Variants in DLGAP1 observed in about 807,000 individuals in gnomAD.
The protein encoded by DLGAP1 is disks large-associated protein 1.
Under a neutral mutation model 90.8 loss-of-function variants are expected in DLGAP1, and 11 were observed. The observed-to-expected ratio is 0.12, with a 90% CI of 0.08 to 0.20. The LOEUF (loss-of-function observed/expected upper bound fraction) is 0.20, where lower values mean the gene tolerates loss of function less well. DLGAP1 is among the 10% of genes least tolerant of loss of function. The pLI is 1.00. For synonymous variants in DLGAP1, 558 were observed against 540.7 expected (o/e 1.03, Z -0.44); for missense variants, 1,050 against 1,333.8 (o/e 0.79, Z 3.31).
At chr18:4,144,437 C>CT (rs2076549179) in intron 2 of DLGAP1, among the ~76,000 whole-genome samples, 1 of 152,170 alleles carries the variant, frequency 6.6e-6, no homozygotes, top group South Asian at 2.1e-4. Flanking sequence ...GTTCTCCCTC[C>CT]CCCCAGGCAC....
At chr18:3,507,736 GTTTTTTT>G (rs386386884) in intron 11 of DLGAP1, among the ~76,000 whole-genome samples, 5 of 89,964 alleles carry the variant, frequency 5.6e-5, no homozygotes, top group African/African-American at 2.1e-4. Context: ...ATTCTTGAAG[GTTTTTTT>G]TTTTTTTTTT....
At chr18:4,303,619 G>A (rs2080180204) in intron 1 of DLGAP1, among the ~76,000 whole-genome samples, 3 of 152,120 alleles carry the variant, frequency 2.0e-5, no homozygotes, top group African/African-American at 7.2e-5. Flanking sequence ...AGAAGAAGTG[G>A]CATAGCAAGG....
intron 1 of DLGAP1, among the ~76,000 whole-genome samples, chr18:4,179,683 C>G (rs1025262137): frequency 2.0e-5 from 3 of 152,108 alleles, no homozygotes; most frequent in Non-Finnish European, 4.4e-5. Context: ...CACACATATC[C>G]TATGTGCTTT....
At chr18:3,577,798 C>T (rs1318567458) in intron 8 of DLGAP1, among the ~76,000 whole-genome samples, 1 of 152,122 alleles carries the variant, frequency 6.6e-6, no homozygotes, top group Non-Finnish European at 1.5e-5. Context: ...CAAATGGCAT[C>T]TTTTATGTAT....
chr18:3,761,198 T>G (rs1257209950), intron 5 of DLGAP1, among the ~76,000 whole-genome samples: 1 of 152,158 alleles, frequency 6.6e-6, no homozygotes, highest in African/African-American at 2.4e-5. Flanking sequence ...AAGTTTTTTC[T>G]TATCCCAAAC....
At chr18:4,171,013 A>T (rs557726868) in intron 1 of DLGAP1, among the ~76,000 whole-genome samples, 1 of 152,268 alleles carries the variant, frequency 6.6e-6, no homozygotes, top group East Asian at 1.9e-4. Flanking sequence ...ATATGCGCTC[A>T]TATATGTGTG....
intron 2 of DLGAP1, among the ~76,000 whole-genome samples, chr18:4,145,983 A>G (rs374904887): frequency 1.3e-5 from 2 of 152,106 alleles, no homozygotes; most frequent in African/African-American, 4.8e-5. Context: ...TAGATAAAAA[A>G]AAATGCTGAA....
intron 8 of DLGAP1, among the ~76,000 whole-genome samples, chr18:3,579,676 G>A (rs2055375472): frequency 6.6e-6 from 1 of 152,240 alleles, no homozygotes; most frequent in South Asian, 2.1e-4. Flanking sequence ...CTTTTAGCAG[G>A]GTAACCCAAG....
intron 2 of DLGAP1, among the ~76,000 whole-genome samples, chr18:4,024,331 C>T (rs1405309687): frequency 3.3e-5 from 5 of 152,186 alleles, no homozygotes; most frequent in Admixed American, 1.3e-4. Context: ...CCTGATCTCC[C>T]ATCCTCGTAG....
At chr18:3,529,867 T>C (rs1026739085) in intron 10 of DLGAP1, among the ~76,000 whole-genome samples, 1 of 152,226 alleles carries the variant, frequency 6.6e-6, no homozygotes, top group African/African-American at 2.4e-5. Context: ...TACGTTTCTC[T>C]TTCATCCTGA....
intron 7 of DLGAP1, among the ~76,000 whole-genome samples, chr18:3,647,865 C>T (rs1791382): frequency 0.048 from 7,237 of 152,242 alleles, 600 homozygotes; most frequent in African/African-American, 0.17. Flanking sequence ...CAGATTACAA[C>T]ACAGCCAGGA....
intron 1 of DLGAP1, among the ~76,000 whole-genome samples, chr18:4,165,287 T>C (rs553715260): frequency 3.6e-4 from 55 of 152,294 alleles, no homozygotes; most frequent in Non-Finnish European, 6.3e-4. Context: ...AGATTTTGCA[T>C]ATGAAACCAT....
rs140258296 is a variant in DLGAP1 at position 4,213,823 on chromosome 18, G to C, written c.-266-62536C>G. Among the ~76,000 whole-genome samples, 989 of 152,262 alleles carry C rather than the reference G, an allele frequency of 6.5e-3. 6 individuals carry two copies. Among genetic ancestry groups the C allele is most frequent in the African/African-American group, 0.023 (942 of 41,558 alleles). ...AGTGACAAGCCTGACAAGAAGAATG[G>C]AGAATACTCAGATGAGTAGGAGGAA... On this transcript the variant is annotated intron_variant, in intron 1 of 12. Coordinates refer to ENST00000315677, the MANE Select transcript of DLGAP1 (RefSeq NM_004746.4).
At chr18:4,229,324 A>T (rs1257086371) in intron 1 of DLGAP1, among the ~76,000 whole-genome samples, 2 of 151,998 alleles carry the variant, frequency 1.3e-5, no homozygotes, top group Non-Finnish European at 2.9e-5. Context: ...ATAGAGAAAC[A>T]ATCTTAAAAT....
chr18:4,451,742 C>T (rs1301016164), intron 1 of DLGAP1, among the ~76,000 whole-genome samples: 1 of 152,126 alleles, frequency 6.6e-6, no homozygotes, highest in East Asian at 1.9e-4. Context: ...GGAAATAAAA[C>T]AGCTCAAGAT....
At chr18:3,620,742 C>T (rs1184963175) in intron 7 of DLGAP1, among the ~76,000 whole-genome samples, 3 of 151,876 alleles carry the variant, frequency 2.0e-5, no homozygotes, top group Non-Finnish European at 4.4e-5. Context: ...ATTTTTAGTA[C>T]AGACGGGGTT....
At chr18:4,043,457 G>T (rs1167331208) in intron 2 of DLGAP1, among the ~76,000 whole-genome samples, 1 of 152,158 alleles carries the variant, frequency 6.6e-6, no homozygotes, top group Non-Finnish European at 1.5e-5. Context: ...CAAACCATAT[G>T]TTATATTTAG....
intron 5 of DLGAP1, among the ~76,000 whole-genome samples, chr18:3,751,279 G>GTAAAA (rs1384402460): frequency 6.6e-6 from 1 of 152,086 alleles, no homozygotes; most frequent in African/African-American, 2.4e-5. Flanking sequence ...ATACTTTGCT[G>GTAAAA]TAAAACATTT....
Position 3,619,742 on chromosome 18 carries a change from C to CT in DLGAP1, c.1592-37495dup, listed in dbSNP as rs10625913. 9.4e-3 allele frequency among the ~76,000 whole-genome samples: 1,053 copies of CT among 112,402 alleles called. 42 individuals carry two copies. The highest frequency in any genetic ancestry group is 0.031 in the African/African-American group (886 of 28,792). The allele number at this position is 112,402 out of a possible 152,430, so 73.7% of individuals were successfully genotyped here. A position where few individuals can be genotyped will look rare whatever the true frequency, so the allele number is the denominator to read the frequency against. Reference sequence around the variant, plus strand: ...ATCCTGATGCTCTTTTAGTTTTTTCCTTTTTTTTTTTTTTTTTTGGTGGGA... The same window carrying CT: ...ATCCTGATGCTCTTTTAGTTTTTTCCTTTTTTTTTTTTTTTTTTTGGTGGGA... On this transcript the variant is annotated intron_variant, in intron 7 of 12. Coordinates refer to ENST00000315677, the MANE Select transcript of DLGAP1 (RefSeq NM_004746.4).
Sources: gnomAD v4.1 joint callset for allele counts (sites outside exome capture counted in the v4.1 genomes callset) on GRCh38, gnomAD v4.1.1 for gene constraint, MANE v1.5 for transcripts, NCBI Gene and HGNC (gene_info 2026-07-23, HGNC 2026-07-21) for gene names.